DNAH14: variants seen among roughly 807,000 people sequenced by gnomAD.
The protein encoded by DNAH14 is dynein axonemal heavy chain 14, also known as axonemal beta dynein heavy chain 14.
In DNAH14, 478 loss-of-function variants were observed where a neutral mutation model predicts 520.9. The ratio of observed to expected loss-of-function variants is 0.92; its 90% CI spans 0.85 to 0.99. DNAH14 has a LOEUF of 0.99. Among genes scored for constraint, DNAH14 ranks in the 50% least tolerant of loss-of-function variants. DNAH14 has a pLI of 0.00. For synonymous variants in DNAH14, 1,581 were observed against 1,757.2 expected, an observed-to-expected ratio of 0.90 and a Z score of 2.51; for missense variants, 4,831 against 5,234.5, an observed-to-expected ratio of 0.92 and a Z score of 2.38.
chr1:225,375,511 T>A (rs900626332), intron 78 of DNAH14, among the ~76,000 whole-genome samples: 6 of 152,214 alleles, frequency 3.9e-5, no homozygotes, highest in African/African-American at 1.2e-4. Flanking sequence ...GTGATCATTG[T>A]GAGCTGGGAG....
chr1:225,045,305 C>T (rs1463917703), intron 15 of DNAH14, among the ~76,000 whole-genome samples: 3 of 150,990 alleles, frequency 2.0e-5, no homozygotes, highest in Non-Finnish European at 4.4e-5. Flanking sequence ...TAATTTGAGA[C>T]TTCTATAAGT....
chr1:225,089,464 A>AAAAAAAAAAAAAAAAG (rs775049047), intron 21 of DNAH14, among the ~76,000 whole-genome samples: 11 of 138,442 alleles, frequency 7.9e-5, no homozygotes, highest in Non-Finnish European at 1.6e-4. Context: ...AAAAAAAAAA[A>AAAAAAAAAAAAAAAAG]AGAGAGCGAG....
At chr1:225,178,597 C>A (rs541601039) in intron 36 of DNAH14, among the ~76,000 whole-genome samples, 1 of 152,302 alleles carries the variant, frequency 6.6e-6, no homozygotes, top group South Asian at 2.1e-4. Context: ...CCATTTATAT[C>A]TAGGGAGTAA....
chr1:224,974,615 G>C (rs1381713909), intron 8 of DNAH14, among the ~76,000 whole-genome samples: 1 of 152,144 alleles, frequency 6.6e-6, no homozygotes, highest in Non-Finnish European at 1.5e-5. Flanking sequence ...CAAAACTACA[G>C]TCTATGATGA....
intron 23 of DNAH14, among the ~76,000 whole-genome samples, chr1:225,101,910 A>G (rs528591009): frequency 1.4e-5 from 2 of 147,794 alleles, no homozygotes; most frequent in East Asian, 4.2e-4. Context: ...TTTTTTTAAT[A>G]CTTTAAGTTT....
At position 225,340,553 on chromosome 1, in the gene DNAH14, G is replaced by T; in HGVS notation, c.10530G>T (p.Leu3510Phe). ...MINFTVTFQG[L>F]QDQLLSTVVT... Reference sequence around the variant, plus strand: ...ACTTCACTGTAACATTCCAAGGTTTGCAAGATCAACTCTTGTCTACTGTGG... The same window carrying T: ...ACTTCACTGTAACATTCCAAGGTTTTCAAGATCAACTCTTGTCTACTGTGG... Residue 3510 changes from leucine to phenylalanine, a missense_variant, in exon 69 of 86, where the codon TTG becomes TTT. By Grantham distance (22) the Leu-to-Phe change is conservative. Transcript: ENST00000682510. 1 of 1,551,380 alleles carries T rather than the reference G, an allele frequency of 6.4e-7. No homozygotes were observed.
intron 5 of DNAH14, 75 bp downstream of exon 5, chr1:224,964,684 C>A: frequency 7.9e-7 from 1 of 1,260,914 alleles, no homozygotes; most frequent in South Asian, 1.9e-5. Context: ...TATTTCATTT[C>A]AGATATTATG....
chr1:224,964,429 TGA>T, intron 4 of DNAH14, 48 bp from the exon 5 acceptor site: 1 of 1,555,386 alleles, frequency 6.4e-7, no homozygotes, highest in South Asian at 1.3e-5. Context: ...TATCCTTAAG[TGA>T]TGCCCACATT....
At chr1:225,342,059 C>T (rs1051514105) in intron 69 of DNAH14, among the ~76,000 whole-genome samples, 4 of 152,132 alleles carry the variant, frequency 2.6e-5, no homozygotes, top group Non-Finnish European at 4.4e-5. Context: ...TTTCGAAGCT[C>T]TCTACACAAT....
intron 41 of DNAH14, among the ~76,000 whole-genome samples, chr1:225,211,207 T>C (rs1413171828): frequency 6.6e-6 from 1 of 152,198 alleles, no homozygotes; most frequent in African/African-American, 2.4e-5. Flanking sequence ...CAAACTCCTC[T>C]GAGCTACAGG....
At position 225,334,908 on chromosome 1, in the gene DNAH14, G is replaced by GTGTGTGTGTGTGTA. The variant is rs58202867; in HGVS notation, c.10080+1403_10080+1404insGTGTGTGTGTGTAT. On this transcript the variant is annotated intron_variant, in intron 66 of 85. Coordinates refer to ENST00000682510, the MANE Select transcript of DNAH14 (RefSeq NM_001367479.1). ...TATGTGTGTGTGTGTGTGTGTGTGTGTATATGTATATGTATAGCATATATC... is the reference window on the plus strand; with the variant it reads ...TATGTGTGTGTGTGTGTGTGTGTGTGTGTGTGTGTGTGTATATATGTATATGTATAGCATATATC... Among the ~76,000 whole-genome samples, 830 of 146,440 alleles carry GTGTGTGTGTGTGTA rather than the reference G, an allele frequency of 5.7e-3. 6 individuals carry two copies. Among genetic ancestry groups the GTGTGTGTGTGTGTA allele is most frequent in the Non-Finnish European group, 8.3e-3 (557 of 67,076 alleles).
chr1:225,318,214 G>C (rs2094499525), intron 60 of DNAH14, among the ~76,000 whole-genome samples: 1 of 152,178 alleles, frequency 6.6e-6, no homozygotes, highest in Non-Finnish European at 1.5e-5. Flanking sequence ...CCTTGGAAGG[G>C]GTGTGTGCAA....
intron 38 of DNAH14, among the ~76,000 whole-genome samples, chr1:225,193,643 A>T (rs998602746): frequency 6.6e-6 from 1 of 152,286 alleles, no homozygotes; most frequent in African/African-American, 2.4e-5. Flanking sequence ...CCAGAACAAC[A>T]CAAGGATGCC....
intron 17 of DNAH14, among the ~76,000 whole-genome samples, chr1:225,052,518 T>C (rs1471901678): frequency 6.6e-6 from 1 of 152,140 alleles, no homozygotes; most frequent in Non-Finnish European, 1.5e-5. Flanking sequence ...ACCACAAATA[T>C]TTGTTGAGCA....
intron 43 of DNAH14, among the ~76,000 whole-genome samples, chr1:225,241,258 A>G (rs999999644): frequency 3.3e-5 from 5 of 152,180 alleles, no homozygotes; most frequent in African/African-American, 7.2e-5. Flanking sequence ...TAACAAATGG[A>G]ATCCATCCTA....
intron 10 of DNAH14, among the ~76,000 whole-genome samples, chr1:225,013,230 T>C (rs1260260639): frequency 6.6e-6 from 1 of 152,174 alleles, no homozygotes; most frequent in Non-Finnish European, 1.5e-5. Flanking sequence ...GCCCCTCATC[T>C]GTAGGTCTGC....
At chr1:225,149,411 G>A (rs2080263353) in intron 31 of DNAH14, among the ~76,000 whole-genome samples, 2 of 152,118 alleles carry the variant, frequency 1.3e-5, no homozygotes, top group South Asian at 4.1e-4. Context: ...TGGCTTTTCA[G>A]ACTCATTTTT....
rs146281075 is a variant in DNAH14, at chr1:225,142,699, G to A, written c.4508+1678G>A. 5.3e-3 allele frequency among the ~76,000 whole-genome samples: 806 copies of A among 152,248 alleles called. 6 individuals carry two copies. Among genetic ancestry groups the A allele is most frequent in the African/African-American group, 0.019 (779 of 41,540 alleles). ...ATCCCAGCTCTTTGGGAGGGAGGCC[G>A]GGTGGATCACTTGAGGTCCAGAGTT... is the stretch of plus-strand genomic sequence containing the variant. On this transcript the variant is annotated intron_variant, in intron 28 of 85. Coordinates refer to ENST00000682510, the MANE Select transcript of DNAH14 (RefSeq NM_001367479.1).
chr1:225,015,140 C>T (rs371317219), intron 10 of DNAH14, among the ~76,000 whole-genome samples: 3 of 152,082 alleles, frequency 2.0e-5, no homozygotes, highest in East Asian at 1.9e-4. Context: ...TTTTTGTTTA[C>T]GTGGAGTATC....
Sources: allele counts gnomAD v4.1 joint callset (sites outside exome capture counted in the v4.1 genomes callset), GRCh38; gene constraint gnomAD v4.1.1; transcripts MANE v1.5; gene names NCBI Gene and HGNC (gene_info 2026-07-23, HGNC 2026-07-21).